AVL9: variants seen among roughly 807,000 people sequenced by gnomAD.
AVL9 encodes the protein late secretory pathway protein AVL9 homolog.
Under a neutral mutation model 79.2 loss-of-function variants are expected in AVL9, and 49 were observed. The observed-to-expected ratio is 0.62, with a 90% CI of 0.49 to 0.79. AVL9 has a LOEUF of 0.79. Among genes scored for constraint, AVL9 ranks in the 30% least tolerant of loss-of-function variants. The pLI, the probability that AVL9 is intolerant of heterozygous loss-of-function variation, is 0.00. For missense variants in AVL9, 682 were observed against 776.8 expected (o/e 0.88, Z 1.45); for synonymous variants, 299 against 280.6 (o/e 1.07, Z -0.65).
rs1791861546 is a variant in AVL9 at position 32,587,765 on chromosome 7, TGAG to T, written c.*3862_*3864del. ...TCATTCCATGCAGCATAATGTGCCG[TGAG>T]GAGTTTTCTCATTCCAGTTCTTTGG... On this transcript the variant is annotated 3_prime_UTR_variant, in exon 16 of 16. Coordinates refer to ENST00000318709, the MANE Select transcript of AVL9 (RefSeq NM_015060.3). 6.6e-6 allele frequency: 1 copy of T among 152,204 alleles called. No homozygotes were observed. Among genetic ancestry groups the T allele is most frequent in the Non-Finnish European group, 1.5e-5 (1 of 68,028 alleles). The allele number at this position is 152,204 out of a possible 1,614,324, so 9.4% of individuals were successfully genotyped here.
intron 1 of AVL9, among the ~76,000 whole-genome samples, chr7:32,524,142 C>T (rs1221505802): frequency 6.6e-6 from 1 of 152,076 alleles, no homozygotes; most frequent in African/African-American, 2.4e-5. Context: ...AGCCACCACA[C>T]CTGTCAAATT....
chr7:32,517,089 A>T (rs936975723), intron 1 of AVL9, among the ~76,000 whole-genome samples: 1 of 152,130 alleles, frequency 6.6e-6, no homozygotes, highest in South Asian at 2.1e-4. Context: ...TTGCAAACCA[A>T]TGAGTTTGTA....
At chr7:32,499,393 A>G (rs1006795426) in intron 1 of AVL9, among the ~76,000 whole-genome samples, 1 of 151,738 alleles carries the variant, frequency 6.6e-6, no homozygotes, top group Non-Finnish European at 1.5e-5. Context: ...GAACTTTTTT[A>G]ACTACTCAAG....
At chr7:32,505,288 G>T (rs955194575) in intron 1 of AVL9, among the ~76,000 whole-genome samples, 1 of 151,890 alleles carries the variant, frequency 6.6e-6, no homozygotes, top group Non-Finnish European at 1.5e-5. Flanking sequence ...CACTTTGGGA[G>T]GCCAAGGCGG....
intron 1 of AVL9, among the ~76,000 whole-genome samples, chr7:32,530,139 C>A (rs1375023759): frequency 6.6e-6 from 1 of 151,736 alleles, no homozygotes; most frequent in Non-Finnish European, 1.5e-5. Flanking sequence ...AATTTTTTTC[C>A]ACATAGTTAT....
intron 10 of AVL9, among the ~76,000 whole-genome samples, chr7:32,563,508 T>C (rs1232195986): frequency 6.7e-6 from 1 of 150,134 alleles, no homozygotes; most frequent in South Asian, 2.2e-4. Flanking sequence ...GAACCAACTG[T>C]ATTTCTTGCC....
chr7:32,520,635 T>C (rs528324689), intron 1 of AVL9, among the ~76,000 whole-genome samples: 1 of 152,282 alleles, frequency 6.6e-6, no homozygotes, highest in Admixed American at 6.5e-5. Context: ...AGGACTACCT[T>C]TTTGAGGACT....
chr7:32,562,586 A>C (rs1790375205), intron 10 of AVL9: 1 of 964,150 alleles, frequency 1.0e-6, no homozygotes, highest in Non-Finnish European at 1.2e-6. Context: ...TCTTAATGTC[A>C]GTAATGCATT....
intron 10 of AVL9, chr7:32,562,754 C>A: frequency 4.8e-6 from 1 of 206,640 alleles, no homozygotes; most frequent in Non-Finnish European, 6.0e-6. Context: ...GACGTCATCT[C>A]TACAAAAAAG....
At chr7:32,572,801 C>CAAAAAAAAAAAAAAAAAAAAAAA (rs3080635) in intron 11 of AVL9, among the ~76,000 whole-genome samples, 1 of 93,440 alleles carries the variant, frequency 1.1e-5, no homozygotes, top group African/African-American at 5.0e-5. Context: ...GACTCCGTCT[C>CAAAAAAAAAAAAAAAAAAAAAAA]AAAAAAAAAA....
chr7:32,540,298 A>G (rs1256238370), intron 1 of AVL9, among the ~76,000 whole-genome samples: 1 of 152,228 alleles, frequency 6.6e-6, no homozygotes, highest in Non-Finnish European at 1.5e-5. Flanking sequence ...TCTAAAACTG[A>G]AATTGCTGAG....
intron 1 of AVL9, chr7:32,536,173 C>T (rs912423981): frequency 5.0e-5 from 7 of 141,022 alleles, no homozygotes; most frequent in African/African-American, 7.6e-5. Flanking sequence ...ATACTTAGGG[C>T]TGCCATGTAC....
Position 32,588,404 on chromosome 7 carries a change from G to C in AVL9, c.*4497G>C, listed in dbSNP as rs1791888144. The C allele has an allele frequency of 6.6e-6, 1 of 152,142 alleles. No individual in the cohort carries two copies. The highest frequency in any genetic ancestry group is 6.5e-5 in the Admixed American group (1 of 15,274). 9.4% of individuals were successfully genotyped at this position (152,142 alleles called of 1,614,324 possible). On this transcript the variant is annotated 3_prime_UTR_variant, in exon 16 of 16. Transcript: ENST00000318709. ...ACATTGGATTAATGAGTTGGTGAAGGCATTTAGTGGTTACAAAAACAGTTT... is the reference window on the plus strand; with the variant it reads ...ACATTGGATTAATGAGTTGGTGAAGCCATTTAGTGGTTACAAAAACAGTTT...
chr7:32,501,329 C>A (rs1787118653), intron 1 of AVL9, among the ~76,000 whole-genome samples: 1 of 152,130 alleles, frequency 6.6e-6, no homozygotes, highest in Admixed American at 6.5e-5. Flanking sequence ...ATAAGTAGTT[C>A]TTTGGAACAA....
rs753979768 is a variant in AVL9, at chr7:32,558,562, C to T, written c.613C>T (p.Leu205Phe). Residue 205 changes from leucine to phenylalanine, a missense_variant, in exon 9 of 16, where the codon CTT becomes TTT. Transcript: ENST00000318709. ...FKLILLEKKV[L>F]FYISPVNKLV... ...ATTTTGATTGACTCCATTCCAGGTT[C>T]TTTTTTATATTTCTCCAGTGAATAA... 1 of 1,607,960 alleles carries T rather than the reference C, an allele frequency of 6.2e-7. No individual in the cohort carries two copies.
intron 1 of AVL9, among the ~76,000 whole-genome samples, chr7:32,503,845 G>A (rs896952999): frequency 5.3e-5 from 8 of 152,020 alleles, no homozygotes; most frequent in Non-Finnish European, 1.0e-4. Flanking sequence ...ACCACACCCG[G>A]CTATGTTTTG....
chr7:32,515,942 C>G (rs142349686), intron 1 of AVL9, among the ~76,000 whole-genome samples: 2 of 152,254 alleles, frequency 1.3e-5, no homozygotes, highest in East Asian at 1.9e-4. Context: ...ATTGTTCTTT[C>G]ATTTACTTTT....
In AVL9 at chr7:32,499,055, TGG is replaced by T. The variant is rs1786997850; in HGVS notation, c.93+3255_93+3256del. ...GCACATGCCTGTGATCCCAGCTACT[TGG>T]GAGGCTGAGGCAGGAGATTTGCTTG... On this transcript the variant is annotated intron_variant, in intron 1 of 15. Transcript: ENST00000318709. Among the ~76,000 whole-genome samples the T allele has an allele frequency of 5.1e-5, 4 of 78,686 alleles. 1 individual carries two copies. The highest frequency in any genetic ancestry group is 1.4e-4 in the Admixed American group (1 of 7,380). 51.6% of individuals were successfully genotyped at this position (78,686 alleles called of 152,430 possible).
chr7:32,568,680 A>C (rs943680302), intron 10 of AVL9, among the ~76,000 whole-genome samples: 3 of 152,206 alleles, frequency 2.0e-5, no homozygotes, highest in Non-Finnish European at 4.4e-5. Context: ...CTGTAGGATA[A>C]ATTACAAGTA....
Sources: allele counts gnomAD v4.1 joint callset (sites outside exome capture counted in the v4.1 genomes callset), GRCh38; gene constraint gnomAD v4.1.1; transcripts MANE v1.5; gene names NCBI Gene and HGNC (gene_info 2026-07-23, HGNC 2026-07-21).